Variants in CFAP77 observed in about 807,000 individuals in gnomAD.
CFAP77 encodes the protein cilia and flagella associated protein 77, also known as cilia- and flagella-associated protein 77.
Under a neutral mutation model 31.1 loss-of-function variants are expected in CFAP77, and 25 were observed. The ratio of observed to expected loss-of-function variants is 0.80; its 90% CI spans 0.59 to 1.12. CFAP77 has a LOEUF of 1.12. Among genes scored for constraint, CFAP77 ranks in the 50% most tolerant of loss-of-function variants. CFAP77 has a pLI of 0.00. For synonymous variants in CFAP77, 151 were observed against 159.9 expected, an observed-to-expected ratio of 0.94 and a Z score of 0.42; for missense variants, 377 against 397.3, an observed-to-expected ratio of 0.95 and a Z score of 0.44.
At chr9:132,542,220 C>T (rs116048917) in intron 4 of CFAP77, among the ~76,000 whole-genome samples, 54 of 152,356 alleles carry the variant, frequency 3.5e-4, no homozygotes, top group African/African-American at 1.3e-3. Context: ...CCAATACTGA[C>T]GACTCCCAAA....
chr9:132,438,543 T>TATATATATATATATATATATATATA (rs1564204145), intron 1 of CFAP77, among the ~76,000 whole-genome samples: 1 of 88,314 alleles, frequency 1.1e-5, no homozygotes, highest in African/African-American at 4.9e-5. Context: ...ATATATATAT[T>TATATATATATATATATATATATATA]TTTTTTTTTT....
At chr9:132,488,917 TTAA>T (rs1851607844) in intron 1 of CFAP77, among the ~76,000 whole-genome samples, 1 of 152,166 alleles carries the variant, frequency 6.6e-6, no homozygotes, top group South Asian at 2.1e-4. Flanking sequence ...GGATGACATC[TTAA>T]TGAGGTTTAA....
chr9:132,454,330 A>G (rs1850877867), intron 1 of CFAP77, among the ~76,000 whole-genome samples: 1 of 152,218 alleles, frequency 6.6e-6, no homozygotes, highest in African/African-American at 2.4e-5. Flanking sequence ...GTAGCTTGTC[A>G]TCCCAGGAAA....
At chr9:132,439,688 A>G (rs1348287270) in intron 1 of CFAP77, among the ~76,000 whole-genome samples, 2 of 151,984 alleles carry the variant, frequency 1.3e-5, no homozygotes, top group Non-Finnish European at 2.9e-5. Context: ...TTACTAAAAA[A>G]TACAACAAAA....
chr9:132,526,765 A>G (rs2119031298), intron 3 of CFAP77, among the ~76,000 whole-genome samples: 1 of 95,596 alleles, frequency 1.0e-5, no homozygotes, highest in East Asian at 2.9e-4. Flanking sequence ...AGAAATGGAT[A>G]CATTCCTCGA....
At chr9:132,546,183 T>C (rs2119072582) in intron 5 of CFAP77, among the ~76,000 whole-genome samples, 1 of 152,334 alleles carries the variant, frequency 6.6e-6, no homozygotes, top group South Asian at 2.1e-4. Flanking sequence ...ACAGACCTGC[T>C]GAGCCTCCCC....
rs781176886 is a variant in CFAP77, at chr9:132,499,510, A to G, written c.434A>G (p.Asn145Ser). ...ARENLLYRQL[N>S]DIRISDQDDR... ...GAGAACTTGCTCTACCGTCAGCTCA[A>G]TGACATCCGCATCAGTGACCAGGAT... Residue 145 changes from asparagine (N) to serine (S), a missense_variant, in exon 3 of 6, where the codon AAT becomes AGT. Asn to Ser is a conservative substitution (Grantham distance 46, BLOSUM62 1). Coordinates refer to ENST00000393216, the MANE Select transcript of CFAP77 (RefSeq NM_001282957.2). The surrounding 1 kb of genome is among the most constrained non-coding windows in gnomAD (Gnocchi z 5.4). The G allele has an allele frequency of 6.2e-7, 1 of 1,614,208 alleles. No homozygotes were observed.
intron 1 of CFAP77, among the ~76,000 whole-genome samples, chr9:132,445,809 C>T (rs1850699338): frequency 6.9e-6 from 1 of 145,714 alleles, no homozygotes. Context: ...GTGGAGGTTG[C>T]AGTGAGCCGA....
At chr9:132,449,314 T>G (rs995685850) in intron 1 of CFAP77, among the ~76,000 whole-genome samples, 4 of 151,050 alleles carry the variant, frequency 2.6e-5, no homozygotes, top group African/African-American at 9.8e-5. Context: ...CCTCCTCTCC[T>G]ACTCCTGGCT....
At chr9:132,549,633 T>C (rs1852792874) in intron 5 of CFAP77, among the ~76,000 whole-genome samples, 2 of 151,496 alleles carry the variant, frequency 1.3e-5, no homozygotes, top group African/African-American at 4.9e-5. Flanking sequence ...AGGTCAGGAG[T>C]TTGAGACCAG....
At chr9:132,477,028 T>C (rs558815) in intron 1 of CFAP77, among the ~76,000 whole-genome samples, 84,622 of 151,680 alleles carry the variant, frequency 0.56, 24,702 homozygotes, top group East Asian at 0.76. Context: ...CAACCTCCTC[T>C]GGTCTTGGGG....
At position 132,554,924 on chromosome 9, in the gene CFAP77, GCATCCATCCATCCACCCATCCATC is replaced by G. The variant is rs1564251119; in HGVS notation, c.732+11892_732+11915del. On this transcript the variant is annotated intron_variant, in intron 5 of 5. Coordinates refer to ENST00000393216, the MANE Select transcript of CFAP77 (RefSeq NM_001282957.2). The surrounding 1 kb of genome is among the most constrained non-coding windows in gnomAD (Gnocchi z 4.1). The stretch of plus-strand genomic sequence containing the variant: ...TCCATCCATCTATGCATGCATGCAT[GCATCCATCCATCCACCCATCCATC>G]CATCCATCCATCCATCCATCCATCC... 7.2e-6 allele frequency among the ~76,000 whole-genome samples: 1 copy of G among 138,812 alleles called. No individual in the cohort carries two copies. Among genetic ancestry groups the G allele is most frequent in the Non-Finnish European group, 1.5e-5 (1 of 64,696 alleles). The allele number at this position is 138,812 out of a possible 152,430, so 91.1% of individuals were successfully genotyped here. A position where few individuals can be genotyped will look rare whatever the true frequency, so the allele number is the denominator to read the frequency against.
At chr9:132,415,170 G>T (rs894097340) in intron 1 of CFAP77, among the ~76,000 whole-genome samples, 6 of 152,178 alleles carry the variant, frequency 3.9e-5, no homozygotes, top group African/African-American at 1.2e-4. Context: ...AAAATGAGCT[G>T]CCCATCCTAA....
At chr9:132,540,481 G>C (rs1035389598) in intron 4 of CFAP77, among the ~76,000 whole-genome samples, 1 of 152,164 alleles carries the variant, frequency 6.6e-6, no homozygotes, top group Non-Finnish European at 1.5e-5. Context: ...TGCCTGTTGG[G>C]GGAGGAAAAT....
rs747033763 is a variant in CFAP77, at chr9:132,501,960, C to A, written c.524+2360C>A. 2.6e-5 allele frequency among the ~76,000 whole-genome samples: 4 copies of A among 152,232 alleles called. No homozygotes were observed. The highest frequency in any genetic ancestry group is 5.9e-5 in the Non-Finnish European group (4 of 68,032). On this transcript the variant is annotated intron_variant, in intron 3 of 5. Transcript: ENST00000393216. This position sits in a 1 kb window ranked among gnomAD's most constrained non-coding sequence, Gnocchi z 4.6. ...TCAGGCAGGCAGTAGGACTTCCCAG[C>A]CCTTTCTACCTCACTACACAAGCTG...
chr9:132,453,625 A>C (rs1457994188), intron 1 of CFAP77, among the ~76,000 whole-genome samples: 1 of 152,016 alleles, frequency 6.6e-6, no homozygotes, highest in Non-Finnish European at 1.5e-5. Flanking sequence ...TCATTTAAAA[A>C]CCCCACAGAA....
At chr9:132,425,072 C>A (rs777512596) in intron 1 of CFAP77, among the ~76,000 whole-genome samples, 2 of 152,152 alleles carry the variant, frequency 1.3e-5, no homozygotes, top group African/African-American at 4.8e-5. Flanking sequence ...AACCAACAGG[C>A]CTGATCTGGC....
At position 132,497,074 on chromosome 9, in the gene CFAP77, A is replaced by G. The variant is rs1851755203; in HGVS notation, c.196-1621A>G. ...CAGTAAGGGTGGGCCTTGAGCAAAG[A>G]GCAATGGAGGTGGCTGGGATGCCTG... On this transcript the variant is annotated intron_variant, in intron 1 of 5. Transcript: ENST00000393216. The surrounding 1 kb of genome is among the most constrained non-coding windows in gnomAD (Gnocchi z 4.9). 6.7e-6 allele frequency among the ~76,000 whole-genome samples: 1 copy of G among 150,122 alleles called. No individual in the cohort carries two copies. The highest frequency in any genetic ancestry group is 1.5e-5 in the Non-Finnish European group (1 of 67,838).
At chr9:132,420,757 G>A (rs1353765447) in intron 1 of CFAP77, among the ~76,000 whole-genome samples, 1 of 152,042 alleles carries the variant, frequency 6.6e-6, no homozygotes, top group African/African-American at 2.4e-5. Context: ...CACATAATGT[G>A]TACCAGGCAC....
Sources: gnomAD v4.1 joint callset for allele counts (sites outside exome capture counted in the v4.1 genomes callset) on GRCh38, gnomAD v4.1.1 for gene constraint, Gnocchi (gnomAD v3.1) non-coding constraint, MANE v1.5 for transcripts, NCBI Gene and HGNC (gene_info 2026-07-23, HGNC 2026-07-21) for gene names.